FRYL: variants seen among roughly 807,000 people sequenced by gnomAD.
FRYL encodes FRY like transcription coactivator.
FRYL carries 150 observed loss-of-function variants against 351.2 expected under a neutral mutation model. That is an observed-to-expected ratio of 0.43 (90% CI 0.37 to 0.49). The LOEUF is 0.49. FRYL is among the 20% of genes least tolerant of loss of function. The pLI is 0.00. For missense variants in FRYL, 3,036 were observed against 3,619.3 expected (o/e 0.84, Z 4.13); for synonymous variants, 1,153 against 1,257.1 (o/e 0.92, Z 1.75).
chr4:48,510,971 T>C lies in FRYL; in HGVS notation c.8159A>G (p.Lys2720Arg). The change falls in exon 58 of 64, where the codon AAG (lysine) becomes AGG (arginine). Residue 2720 changes from lysine (K) to arginine (R), a missense_variant. Transcript: ENST00000358350. Reference protein sequence around the residue: ...FSRLFQTIQRKFGEITNEAVS... With the variant: ...FSRLFQTIQRRFGEITNEAVS... ...TGCCTCATTAGTTATTTCTCCAAAC[T>C]TTCTTTGAATTGTCTATGGAGAAAA... 2 of 1,611,418 alleles carry C rather than the reference T, an allele frequency of 1.2e-6. No homozygotes were observed. Among genetic ancestry groups the C allele is most frequent in the African/African-American group, 1.3e-5 (1 of 74,926 alleles).
At chr4:48,762,848 C>A (rs1388710147) in intron 1 of FRYL, among the ~76,000 whole-genome samples, 1 of 151,930 alleles carries the variant, frequency 6.6e-6, no homozygotes, top group African/African-American at 2.4e-5. Context: ...CCAAAGTATA[C>A]AATAAAACAA....
intron 1 of FRYL, among the ~76,000 whole-genome samples, chr4:48,742,973 A>ATTTTTTTTTTTTTTTTTTTTTT (rs71191256): frequency 2.4e-5 from 2 of 81,746 alleles, no homozygotes; most frequent in Non-Finnish European, 2.3e-5. Flanking sequence ...CGCCTGGATA[A>ATTTTTTTTTTTTTTTTTTTTTT]TTTTTTTTTT....
intron 3 of FRYL, among the ~76,000 whole-genome samples, chr4:48,644,406 G>A (rs1438614378): frequency 6.8e-6 from 1 of 147,162 alleles, no homozygotes; most frequent in Non-Finnish European, 1.5e-5. Context: ...CTATAATCAA[G>A]ACATATATCA....
chr4:48,546,118 G>A lies in FRYL; in HGVS notation c.5228C>T (p.Ser1743Leu). 1.2e-6 allele frequency: 2 copies of A among 1,613,698 alleles called. No individual in the cohort carries two copies. The highest frequency in any genetic ancestry group is 1.7e-6 in the Non-Finnish European group (2 of 1,179,802). ...TTTGACTTTTCCATCCTGCTCCACT[G>A]AGATGTCAACCTCATTGAGGATAGT... ...HTTILNEVDI[S>L]VEQDGKVKTL... The change falls in exon 42 of 64, where the codon TCA becomes TTA. Residue 1743 changes from serine to leucine, a missense_variant. Physicochemically the swap from Ser to Leu is moderately radical, Grantham distance 145 (BLOSUM62 -2). Around this residue, in one of 7 missense-constraint regions of FRYL, gnomAD observed 1,987 missense variants for 2,311.7 expected, o/e 0.86. Transcript: ENST00000358350.
chr4:48,593,504 C>A (rs781455286), intron 16 of FRYL, among the ~76,000 whole-genome samples: 1 of 152,104 alleles, frequency 6.6e-6, no homozygotes, highest in Non-Finnish European at 1.5e-5. Context: ...GCCACCACTC[C>A]CGGCTAATTT....
chr4:48,675,538 G>A (rs1367208134), intron 3 of FRYL, among the ~76,000 whole-genome samples: 2 of 152,240 alleles, frequency 1.3e-5, no homozygotes, highest in Admixed American at 6.5e-5. Flanking sequence ...GCCCACCAGC[G>A]CTGCGCTCGA....
intron 3 of FRYL, among the ~76,000 whole-genome samples, chr4:48,641,844 T>C (rs748050385): frequency 2.0e-5 from 3 of 152,216 alleles, no homozygotes; most frequent in Non-Finnish European, 2.9e-5. Context: ...TATCTTCTAA[T>C]TCATTTGCAT....
At chr4:48,660,349 T>G (rs1196661228) in intron 3 of FRYL, among the ~76,000 whole-genome samples, 1 of 152,198 alleles carries the variant, frequency 6.6e-6, no homozygotes. Context: ...CTTACAAGGT[T>G]GGCCCTTGGC....
chr4:48,521,103 T>C lies in FRYL; in HGVS notation c.7634A>G (p.Asp2545Gly). Residue 2545 changes from aspartate to glycine, a missense_variant, in exon 55 of 64, where the codon GAT (aspartate) becomes GGT (glycine). This residue lies in a region of FRYL where 1,987 missense variants were observed against 2,311.7 expected (regional missense o/e 0.86). Coordinates refer to ENST00000358350, the MANE Select transcript of FRYL (RefSeq NM_015030.2). ...ITTEEVLQIR[D>G]ETPTLEASLD... is the part of the protein sequence containing the mutation. Reference sequence around the variant, plus strand: ...AGAAGCCTCCAAAGTTGGGGTCTCATCCCTGATTTGAAGCACTTCCTCTGT... The same window carrying C: ...AGAAGCCTCCAAAGTTGGGGTCTCACCCCTGATTTGAAGCACTTCCTCTGT... 1 of 1,613,814 alleles carries C rather than the reference T, an allele frequency of 6.2e-7. No homozygotes were observed. The highest frequency in any genetic ancestry group is 8.5e-7 in the Non-Finnish European group (1 of 1,179,782).
chr4:48,673,375 A>C (rs2149512852), intron 3 of FRYL, among the ~76,000 whole-genome samples: 1 of 151,930 alleles, frequency 6.6e-6, no homozygotes, highest in East Asian at 1.9e-4. Flanking sequence ...TGATAGATAC[A>C]CTAGTCTTTA....
chr4:48,539,835 T>C, intron 47 of FRYL, 136 bp downstream of exon 47: 1 of 619,328 alleles, frequency 1.6e-6, no homozygotes, highest in Non-Finnish European at 2.7e-6. Context: ...TTTATGTGCA[T>C]AAAAATAAAA....
intron 36 of FRYL, among the ~76,000 whole-genome samples, chr4:48,552,980 A>T (rs1241176773): frequency 6.6e-6 from 1 of 152,162 alleles, no homozygotes; most frequent in African/African-American, 2.4e-5. Context: ...ACATACATAT[A>T]GGTGTGTATA....
chr4:48,642,317 T>C (rs945225820), intron 3 of FRYL, among the ~76,000 whole-genome samples: 25 of 152,176 alleles, frequency 1.6e-4, no homozygotes, highest in African/African-American at 5.8e-4. Flanking sequence ...AAACCTCTTG[T>C]CTAGTATCTG....
Position 48,557,499 on chromosome 4 carries a change from T to G in FRYL, c.4079A>C (p.Gln1360Pro), listed in dbSNP as rs1734390155. 1 of 1,614,078 alleles carries G rather than the reference T, an allele frequency of 6.2e-7. No homozygotes were observed. The highest frequency in any genetic ancestry group is 1.7e-5 in the Admixed American group (1 of 60,006). ...WLRGEGWGSP[Q>P]ATAMVLNNLM... The stretch of plus-strand genomic sequence containing the variant: ...ATTGTTCAAAACCATTGCAGTGGCT[T>G]GTGGAGATCCCCATCCTTCTCCCCG... Residue 1360 changes from glutamine (Q) to proline (P), a missense_variant, in exon 34 of 64, where the codon CAA (glutamine) becomes CCA (proline). Physicochemically the swap from Gln to Pro is moderately conservative, Grantham distance 76. Around this residue, in one of 7 missense-constraint regions of FRYL, gnomAD observed 1,987 missense variants for 2,311.7 expected, o/e 0.86. Coordinates refer to ENST00000358350, the MANE Select transcript of FRYL (RefSeq NM_015030.2).
intron 1 of FRYL, among the ~76,000 whole-genome samples, chr4:48,774,149 G>A (rs780596919): frequency 3.3e-5 from 5 of 152,106 alleles, no homozygotes; most frequent in Non-Finnish European, 7.4e-5. Flanking sequence ...GGGATGGGGT[G>A]GGGATGGGAT....
intron 33 of FRYL, among the ~76,000 whole-genome samples, chr4:48,560,359 G>C (rs938717490): frequency 4.6e-5 from 7 of 152,182 alleles, no homozygotes; most frequent in African/African-American, 1.7e-4. Context: ...TTTTGGTTTA[G>C]AATGAACTAT....
chr4:48,743,541 C>G lies in FRYL; in HGVS notation c.-383-32843G>C, dbSNP rs866768372. On this transcript the variant is annotated intron_variant, in intron 1 of 63. Transcript: ENST00000358350. ...AGACCAGAAAGTAATTCTCCTGTTCCCTAATTCAATGCTCTTTCTACTTTT... is the reference window on the plus strand; with the variant it reads ...AGACCAGAAAGTAATTCTCCTGTTCGCTAATTCAATGCTCTTTCTACTTTT... 1.8e-4 allele frequency among the ~76,000 whole-genome samples: 27 copies of G among 152,194 alleles called. 1 individual carries two copies. Among genetic ancestry groups the G allele is most frequent in the Middle Eastern group, 6.8e-3 (2 of 292 alleles).
intron 12 of FRYL, among the ~76,000 whole-genome samples, 186 bp from the exon 13 acceptor site, chr4:48,602,307 C>T (rs962676653): frequency 2.0e-5 from 3 of 152,180 alleles, no homozygotes; most frequent in South Asian, 2.1e-4. Context: ...AAATTTTCTA[C>T]GAGGAAAATT....
chr4:48,705,995 C>T (rs1292526669), intron 2 of FRYL, among the ~76,000 whole-genome samples: 1 of 152,174 alleles, frequency 6.6e-6, no homozygotes, highest in Non-Finnish European at 1.5e-5. Context: ...CGCCACCACT[C>T]CTGGCTAATT....
Sources: allele counts gnomAD v4.1 joint callset (sites outside exome capture counted in the v4.1 genomes callset), GRCh38; gene constraint gnomAD v4.1.1; regional missense constraint gnomAD v4.1.1; transcripts MANE v1.5; gene names NCBI Gene and HGNC (gene_info 2026-07-23, HGNC 2026-07-21).